COL6A3: variants seen among roughly 807,000 people sequenced by gnomAD.
COL6A3 encodes collagen alpha-3(VI) chain.
A neutral mutation model predicts 274.1 loss-of-function variants in COL6A3; 137 were observed. That is an observed-to-expected ratio of 0.50 (90% CI 0.44 to 0.58). The LOEUF (loss-of-function observed/expected upper bound fraction) is 0.58. Ranked by LOEUF, COL6A3 falls within the 20% of genes least tolerant of loss-of-function variation. The pLI is 0.00. For missense variants in COL6A3, 3,950 were observed against 4,124.9 expected (o/e 0.96, Z 1.16); for synonymous variants, 1,650 against 1,650.6 (o/e 1.00, Z 0.01).
intron 42 of COL6A3, chr2:237,327,637 T>C (rs1700020430): frequency 6.6e-6 from 1 of 152,146 alleles, no homozygotes; most frequent in African/African-American, 2.4e-5. Context: ...AAGAGAAATA[T>C]ATTAGTGAGG....
intron 17 of COL6A3, among the ~76,000 whole-genome samples, 187 bp downstream of exon 17, chr2:237,359,901 C>T (rs2077397164): frequency 1.3e-5 from 2 of 152,252 alleles, no homozygotes; most frequent in East Asian, 1.9e-4. Flanking sequence ...TCTCAGGCTC[C>T]CCACCAGCTG....
chr2:237,345,595 C>T (rs1334339723), intron 32 of COL6A3, among the ~76,000 whole-genome samples: 1 of 152,178 alleles, frequency 6.6e-6, no homozygotes, highest in Non-Finnish European at 1.5e-5. Context: ...TTGAGCTGCC[C>T]TGGCTCCCTC....
Position 237,348,359 on chromosome 2 carries a change from G to C in COL6A3, c.6956C>G (p.Pro2319Arg). The change falls in exon 30 of 44, where the codon CCA (proline) becomes CGA (arginine). Residue 2319 changes from proline (P) to arginine (R), a missense_variant. Physicochemically the swap from Pro to Arg is moderately radical, Grantham distance 103. Around this residue, in one of 5 missense-constraint regions of COL6A3, gnomAD observed 1,284 missense variants for 1,349.7 expected, o/e 0.95. Transcript: ENST00000295550. The stretch of plus-strand genomic sequence containing the variant: ...CCAGGGATTATTTACCTTTGGTCCT[G>C]GGTATCCAGGGAATCCTCTTTCTCC... ...KKGERGFPGYPGPKGNPGEPG... is the reference protein window; with the variant it reads ...KKGERGFPGYRGPKGNPGEPG... 6.2e-7 allele frequency: 1 copy of C among 1,608,406 alleles called. No homozygotes were observed. The highest frequency in any genetic ancestry group is 8.5e-7 in the Non-Finnish European group (1 of 1,174,890).
In COL6A3 at chr2:237,387,974, C is replaced by T. The variant is rs149412478; in HGVS notation, c.920G>A (p.Gly307Asp). 32 of 1,614,098 alleles carry T rather than the reference C, an allele frequency of 2.0e-5. No individual in the cohort carries two copies. Among genetic ancestry groups the T allele is most frequent in the Non-Finnish European group, 2.6e-5 (31 of 1,180,056 alleles). The change falls in exon 4 of 44, where the codon GGT becomes GAT. Residue 307 changes from glycine to aspartate, a missense_variant. By Grantham distance (94) the Gly-to-Asp change is moderately conservative. This residue lies in a region of COL6A3 where 1,934 missense variants were observed against 1,984.3 expected (regional missense o/e 0.97). Coordinates refer to ENST00000295550, the MANE Select transcript of COL6A3 (RefSeq NM_004369.4). ...DTYSTKAQVL[G>D]AVKALGFAGG... is the part of the protein sequence containing the mutation. ...AGCAAACCCGAGGGCTTTCACTGCA[C>T]CCAGAACCTGGGCCTTGGTGGAGTA...
Position 237,368,905 on chromosome 2 carries a change from G to A in COL6A3, c.4558C>T (p.Leu1520Phe). Residue 1520 changes from leucine (L) to phenylalanine (F), a missense_variant, in exon 10 of 44, where the codon CTC becomes TTC. Physicochemically the swap from Leu to Phe is conservative, Grantham distance 22 (BLOSUM62 0). Transcript: ENST00000295550. This position sits in a 1 kb window ranked among gnomAD's most constrained non-coding sequence, Gnocchi z 4.4. ...AAGAGGTTTCTTGCCACAAATTCGA[G>A]AGCCTTGCCAGTGTTCAGTGGGGAC... ...GGSPLNTGKALEFVARNLFVK... is the reference protein window; with the variant it reads ...GGSPLNTGKAFEFVARNLFVK... The A allele has an allele frequency of 1.2e-6, 2 of 1,614,192 alleles. No homozygotes were observed. The highest frequency in any genetic ancestry group is 2.2e-5 in the East Asian group (1 of 44,880).
rs780546125 is a variant in COL6A3 at position 237,353,357 on chromosome 2, C to T, written c.6674G>A (p.Gly2225Glu). 2 of 1,614,142 alleles carry T rather than the reference C, an allele frequency of 1.2e-6. No individual in the cohort carries two copies. The highest frequency in any genetic ancestry group is 1.7e-6 in the Non-Finnish European group (2 of 1,180,020). ...AGCACTCACCTGTGCACCTCTGGTC[C>T]CCTGCTCTCCCTCAAAGCCCGGCTG... Reference protein sequence around the residue: ...PGQPGFEGEQGTRGAQGPAGP... With the variant: ...PGQPGFEGEQETRGAQGPAGP... The change falls in exon 25 of 44, where the codon GGG becomes GAG. Residue 2225 changes from glycine to glutamate, a missense_variant. By Grantham distance (98) the Gly-to-Glu change is moderately conservative. Coordinates refer to ENST00000295550, the MANE Select transcript of COL6A3 (RefSeq NM_004369.4).
intron 41 of COL6A3, among the ~76,000 whole-genome samples, chr2:237,334,234 CCA>C (rs1266371634): frequency 3.9e-5 from 6 of 152,168 alleles, no homozygotes; most frequent in African/African-American, 1.4e-4. Flanking sequence ...CCCTAAGGAG[CCA>C]GTGACTGGCT....
chr2:237,371,775 C>T lies in COL6A3; in HGVS notation c.4242G>A (p.Glu1414=). 6.2e-7 allele frequency: 1 copy of T among 1,613,766 alleles called. No homozygotes were observed. Among genetic ancestry groups the T allele is most frequent in the East Asian group, 2.2e-5 (1 of 44,864 alleles). The change falls in exon 9 of 44, where the codon GAG becomes GAA. Residue 1414 remains glutamate, a synonymous_variant. Coordinates refer to ENST00000295550, the MANE Select transcript of COL6A3 (RefSeq NM_004369.4). The surrounding 1 kb of genome is among the most constrained non-coding windows in gnomAD (Gnocchi z 4.3). Reference sequence around the variant, plus strand: ...TGCTGGCTAAGAGCTTCTGGATCTGCTCTGAGGTCAGGGTCGTGATGGGCG... The same window carrying T: ...TGCTGGCTAAGAGCTTCTGGATCTGTTCTGAGGTCAGGGTCGTGATGGGCG... The part of the protein sequence containing the change: ...LLTPITTLTS[E]QIQKLLASTR...
In COL6A3 at chr2:237,378,635, C is replaced by A; in HGVS notation, c.2497+1G>T. 5.0e-6 allele frequency: 8 copies of A among 1,612,416 alleles called. No individual in the cohort carries two copies. The highest frequency in any genetic ancestry group is 5.9e-6 in the Non-Finnish European group (7 of 1,180,016). ...AGTTCCCGGCAACAGGGGAGGTTTA[C>A]CTGGCTGAGCGAGTGGTACTTCCTC... On this transcript the variant is annotated splice_donor_variant, in intron 6 of 43. Transcript: ENST00000295550. LOFTEE classifies it high-confidence loss of function.
rs2077423950 is a variant in COL6A3 at position 237,361,016 on chromosome 2, A to G, written c.6210+105T>C. The stretch of plus-strand genomic sequence containing the variant: ...ATAAATTAATTTTTCTCCCAAAGGG[A>G]AAGCCATCAGCAACTGAACAAATGA... On this transcript the variant is annotated intron_variant, in intron 16 of 43. Coordinates refer to ENST00000295550, the MANE Select transcript of COL6A3 (RefSeq NM_004369.4). The surrounding 1 kb of genome is among the most constrained non-coding windows in gnomAD (Gnocchi z 5.1). The G allele has an allele frequency of 2.1e-6, 2 of 961,134 alleles. No homozygotes were observed. Among genetic ancestry groups the G allele is most frequent in the South Asian group, 2.6e-5 (2 of 76,864 alleles). 59.5% of individuals were successfully genotyped at this position (961,134 alleles called of 1,614,324 possible). A position where few individuals can be genotyped will look rare whatever the true frequency, so the allele number is the denominator to read the frequency against.
chr2:237,406,912 T>C (rs964540570), intron 1 of COL6A3, among the ~76,000 whole-genome samples: 6 of 146,692 alleles, frequency 4.1e-5, no homozygotes, highest in Admixed American at 2.0e-4. Context: ...TTTCCCTTTT[T>C]TTTTTTTTTT....
chr2:237,352,888 C>T (rs1193905136), intron 25 of COL6A3, among the ~76,000 whole-genome samples: 1 of 152,220 alleles, frequency 6.6e-6, no homozygotes, highest in Non-Finnish European at 1.5e-5. Context: ...TCTCCATCAA[C>T]CAATGAGTGG....
At chr2:237,390,971 T>C (rs1183291652) in intron 3 of COL6A3, among the ~76,000 whole-genome samples, 1 of 152,202 alleles carries the variant, frequency 6.6e-6, no homozygotes, top group East Asian at 1.9e-4. Context: ...TAGAGTTCAT[T>C]GACAACAGTG....
rs1199498467 is a variant in COL6A3, at chr2:237,371,688, T to C, written c.4285+44A>G. 4 of 1,536,256 alleles carry C rather than the reference T, an allele frequency of 2.6e-6. No homozygotes were observed. In the East Asian group the frequency reaches 9.0e-5, roughly 35 times the overall value. On this transcript the variant is annotated intron_variant, in intron 9 of 43. Transcript: ENST00000295550. This position sits in a 1 kb window ranked among gnomAD's most constrained non-coding sequence, Gnocchi z 4.3. ...TGGCCTTTGAGCCTGTTATTTTTCA[T>C]ATGGAAAATGCTCCAAGGAGAACCT...
chr2:237,360,148 A>G lies in COL6A3; in HGVS notation c.6222T>C (p.Gly2074=). The change falls in exon 17 of 44, where the codon GGT becomes GGC. Residue 2074 remains glycine, a synonymous_variant. Coordinates refer to ENST00000295550, the MANE Select transcript of COL6A3 (RefSeq NM_004369.4). ...CTTGAGTGCCGTTCACACCAGGCGG[A>G]CCACGCTCACCCTGTTGTGAGAGAC... The part of the protein sequence containing the change: ...PGDEGGPGER[G]PPGVNGTQGF... The G allele has an allele frequency of 6.2e-7, 1 of 1,614,082 alleles. No individual in the cohort carries two copies. The highest frequency in any genetic ancestry group is 1.1e-5 in the South Asian group (1 of 91,064).
intron 23 of COL6A3, chr2:237,356,742 A>G (rs1176116107): frequency 1.8e-5 from 3 of 162,512 alleles, no homozygotes; most frequent in African/African-American, 7.2e-5. Flanking sequence ...GTGCCCGAGG[A>G]CCTTGGAAGC....
chr2:237,372,738 G>A (rs2077726097), intron 8 of COL6A3, among the ~76,000 whole-genome samples: 1 of 152,198 alleles, frequency 6.6e-6, no homozygotes, highest in Admixed American at 6.5e-5. Flanking sequence ...AAAGTAGGGT[G>A]GGCTCAGAGA....
chr2:237,368,653 T>C lies in COL6A3; in HGVS notation c.4810A>G (p.Asn1604Asp). The C allele has an allele frequency of 6.2e-7, 1 of 1,614,134 alleles. No homozygotes were observed. The highest frequency in any genetic ancestry group is 8.5e-7 in the Non-Finnish European group (1 of 1,180,020). Residue 1604 changes from asparagine to aspartate, a missense_variant, in exon 10 of 44, where the codon AAC becomes GAC. Physicochemically the swap from Asn to Asp is conservative, Grantham distance 23. Around this residue, in one of 5 missense-constraint regions of COL6A3, gnomAD observed 632 missense variants for 623.4 expected, o/e 1.01. Coordinates refer to ENST00000295550, the MANE Select transcript of COL6A3 (RefSeq NM_004369.4). This position sits in a 1 kb window ranked among gnomAD's most constrained non-coding sequence, Gnocchi z 4.4. ...FTVREFRELPNIEERIMNSFG... is the reference protein window; with the variant it reads ...FTVREFRELPDIEERIMNSFG... ...GAGTTCATGATTCTTTCTTCTATGT[T>C]GGGAAGCTCTCTGAACTCTCGCACT... is the stretch of plus-strand genomic sequence containing the variant.
chr2:237,328,145 G>C (rs1700046347), intron 42 of COL6A3: 1 of 152,200 alleles, frequency 6.6e-6, no homozygotes, highest in Non-Finnish European at 1.5e-5. Context: ...TCCTAACCTA[G>C]AATACCAATG....
Sources: allele counts gnomAD v4.1 joint callset (sites outside exome capture counted in the v4.1 genomes callset), GRCh38; gene constraint gnomAD v4.1.1; regional missense constraint gnomAD v4.1.1; non-coding constraint Gnocchi (gnomAD v3.1); transcripts MANE v1.5; gene names NCBI Gene and HGNC (gene_info 2026-07-23, HGNC 2026-07-21).